The following TRAPPC9 variants were observed in gnomAD, a reference collection of about 807,000 sequenced individuals.
TRAPPC9 encodes IKK2 binding protein.
A neutral mutation model predicts 124.0 loss-of-function variants in TRAPPC9; 83 were observed. The observed-to-expected ratio is 0.67, with a 90% confidence interval of 0.56 to 0.80. TRAPPC9 has a LOEUF of 0.80. Ranked by LOEUF, TRAPPC9 falls within the 30% of genes least tolerant of loss-of-function variation. The probability of loss-of-function intolerance (pLI) is 0.00; values close to 1 mark genes in which losing one functional copy is unlikely to be tolerated. For synonymous variants in TRAPPC9, 638 were observed against 617.5 expected, an observed-to-expected ratio of 1.03 and a Z score of -0.49; for missense variants, 1,302 against 1,508.3, an observed-to-expected ratio of 0.86 and a Z score of 2.27.
Position 140,063,271 on chromosome 8 carries a change from A to G in TRAPPC9, c.2557-39192T>C, listed in dbSNP as rs1355617101. Among the ~76,000 whole-genome samples the G allele has an allele frequency of 6.6e-6, 1 of 152,112 alleles. No homozygotes were observed. Among genetic ancestry groups the G allele is most frequent in the African/African-American group, 2.4e-5 (1 of 41,428 alleles). On this transcript the variant is annotated intron_variant, in intron 17 of 22. Coordinates refer to ENST00000438773, the MANE Select transcript of TRAPPC9 (RefSeq NM_001160372.4). This position sits in a 1 kb window ranked among gnomAD's most constrained non-coding sequence, Gnocchi z 4.3. ...CAAAGCCTAAGCATATCACCAACAC[A>G]TTTTGGTTTTCAGTTACTCCTCTTT...
intron 17 of TRAPPC9, among the ~76,000 whole-genome samples, chr8:140,102,624 T>A (rs1297327948): frequency 6.6e-6 from 1 of 152,212 alleles, no homozygotes; most frequent in Non-Finnish European, 1.5e-5. Flanking sequence ...TCCTGCCTAG[T>A]TCACTGCTTA....
At chr8:139,766,937 T>C (rs554885193) in intron 21 of TRAPPC9, among the ~76,000 whole-genome samples, 138 of 152,340 alleles carry the variant, frequency 9.1e-4, no homozygotes, top group African/African-American at 3.2e-3. Flanking sequence ...CTCTCTTGCG[T>C]CCTCACCTGC....
chr8:139,913,885 C>T (rs1831925965), intron 19 of TRAPPC9: 1 of 152,596 alleles, frequency 6.6e-6, no homozygotes, highest in African/African-American at 2.4e-5. Flanking sequence ...AGGCACAGCC[C>T]CTAAACCTGA....
At chr8:139,811,749 TAAAG>T (rs1166389740) in intron 21 of TRAPPC9, among the ~76,000 whole-genome samples, 1 of 152,236 alleles carries the variant, frequency 6.6e-6, no homozygotes, top group East Asian at 1.9e-4. Flanking sequence ...ACCTGACTGA[TAAAG>T]AATCTAAATC....
intron 17 of TRAPPC9, among the ~76,000 whole-genome samples, chr8:140,196,977 T>TTA (rs34952588): frequency 0.35 from 53,331 of 152,056 alleles, 9,621 homozygotes; most frequent in East Asian, 0.59. Context: ...AAATGTCATT[T>TTA]TATCTTTTAT....
intron 15 of TRAPPC9, among the ~76,000 whole-genome samples, chr8:140,272,192 G>C (rs1268761455): frequency 7.0e-6 from 1 of 143,190 alleles, no homozygotes; most frequent in Non-Finnish European, 1.5e-5. Context: ...GGTTATGGTG[G>C]TGATGGTGGC....
intron 17 of TRAPPC9, among the ~76,000 whole-genome samples, chr8:140,212,546 G>A (rs1260019356): frequency 6.6e-6 from 1 of 152,030 alleles, no homozygotes; most frequent in Non-Finnish European, 1.5e-5. Flanking sequence ...AGTGCTTTGG[G>A]TTGTACTCTT....
At chr8:140,244,075 G>A (rs1469134052) in intron 16 of TRAPPC9, among the ~76,000 whole-genome samples, 3 of 152,228 alleles carry the variant, frequency 2.0e-5, no homozygotes, top group African/African-American at 7.2e-5. Context: ...AGGTGGAAGA[G>A]TTTCAACCCA....
rs555395250 is a variant in TRAPPC9, at chr8:139,727,865, A to T, written c.*3196T>A. ...GCCATGCAGGGGACTAACGGAGCAT[A>T]GCAATGTGGCCTGTTAAGGGTTCCA... On this transcript the variant is annotated 3_prime_UTR_variant, in exon 23 of 23. Transcript: ENST00000438773. 6.6e-6 allele frequency among the ~76,000 whole-genome samples: 1 copy of T among 152,336 alleles called. No homozygotes were observed. The highest frequency in any genetic ancestry group is 2.4e-5 in the African/African-American group (1 of 41,578).
At chr8:139,749,166 C>A (rs189473892) in intron 21 of TRAPPC9, among the ~76,000 whole-genome samples, 26 of 152,244 alleles carry the variant, frequency 1.7e-4, no homozygotes, top group Non-Finnish European at 8.8e-5. Flanking sequence ...CCTGCTGACT[C>A]CCTGTGGCCT....
chr8:140,312,622 A>AAGTGCTCC (rs2066327899), intron 9 of TRAPPC9, among the ~76,000 whole-genome samples: 1 of 152,188 alleles, frequency 6.6e-6, no homozygotes, highest in South Asian at 2.1e-4. Flanking sequence ...AAGTGAAGCC[A>AAGTGCTCC]AGTGCTCCAC....
intron 18 of TRAPPC9, among the ~76,000 whole-genome samples, chr8:140,015,905 C>T (rs906752407): frequency 5.3e-5 from 8 of 152,126 alleles, no homozygotes; most frequent in African/African-American, 1.7e-4. Context: ...CCTACACCTT[C>T]CCCGGCTGCC....
chr8:139,866,863 T>C (rs1828576960), intron 21 of TRAPPC9, among the ~76,000 whole-genome samples: 2 of 152,190 alleles, frequency 1.3e-5, no homozygotes, highest in Admixed American at 6.5e-5. Flanking sequence ...CCAATATGAA[T>C]GACACCCCAC....
intron 17 of TRAPPC9, among the ~76,000 whole-genome samples, chr8:140,057,710 T>C (rs1170972152): frequency 6.6e-6 from 1 of 152,164 alleles, no homozygotes; most frequent in Non-Finnish European, 1.5e-5. Flanking sequence ...GTTCCATAGG[T>C]ATCAAGTTTT....
chr8:140,037,704 A>T (rs377752574), intron 17 of TRAPPC9, among the ~76,000 whole-genome samples: 204 of 122,872 alleles, frequency 1.7e-3, no homozygotes, highest in South Asian at 0.015. Flanking sequence ...ACACGTACAC[A>T]GACACACATA....
intron 17 of TRAPPC9, among the ~76,000 whole-genome samples, chr8:140,194,370 C>T (rs1323188344): frequency 6.6e-6 from 1 of 152,080 alleles, no homozygotes; most frequent in Non-Finnish European, 1.5e-5. Context: ...AACCCATGCA[C>T]ATCCTTCTGT....
intron 17 of TRAPPC9, among the ~76,000 whole-genome samples, chr8:140,070,670 C>G (rs890739726): frequency 6.6e-6 from 1 of 152,152 alleles, no homozygotes; most frequent in Non-Finnish European, 1.5e-5. Flanking sequence ...GTTCTCAAAA[C>G]ACGCCAAAAA....
intron 17 of TRAPPC9, among the ~76,000 whole-genome samples, chr8:140,164,100 AAC>A (rs1443055752): frequency 1.3e-5 from 2 of 152,174 alleles, no homozygotes. Flanking sequence ...GTACTCAGCA[AAC>A]ACAGCGACCA....
At chr8:140,221,788 C>T (rs1289507154) in intron 16 of TRAPPC9, among the ~76,000 whole-genome samples, 1 of 152,160 alleles carries the variant, frequency 6.6e-6, no homozygotes, top group African/African-American at 2.4e-5. Context: ...AAGGCGTGCG[C>T]CACCACACCT....
Sources: allele counts gnomAD v4.1 joint callset (sites outside exome capture counted in the v4.1 genomes callset), GRCh38; gene constraint gnomAD v4.1.1; non-coding constraint Gnocchi (gnomAD v3.1); transcripts MANE v1.5; gene names NCBI Gene and HGNC (gene_info 2026-07-23, HGNC 2026-07-21).